The following NKAIN2 variants were observed in gnomAD, a reference collection of about 807,000 sequenced individuals.
NKAIN2 encodes the protein sodium/potassium transporting ATPase interacting 2.
Under a neutral mutation model 32.6 loss-of-function variants are expected in NKAIN2, and 14 were observed. The ratio of observed to expected loss-of-function variants is 0.43; its 90% CI spans 0.28 to 0.67. The LOEUF is 0.67. NKAIN2 is among the 30% of genes least tolerant of loss of function. The pLI is 0.17. For missense variants in NKAIN2, 198 were observed against 258.3 expected (o/e 0.77, Z 1.60); for synonymous variants, 80 against 87.2 (o/e 0.92, Z 0.46).
At chr6:124,442,018 C>G (rs1393450161) in intron 3 of NKAIN2, among the ~76,000 whole-genome samples, 1 of 151,996 alleles carries the variant, frequency 6.6e-6, no homozygotes, top group Admixed American at 6.6e-5. Flanking sequence ...AGTCTTCTGT[C>G]GTGTTGGCAG....
At chr6:124,447,688 A>G (rs754313511) in intron 3 of NKAIN2, among the ~76,000 whole-genome samples, 2 of 152,166 alleles carry the variant, frequency 1.3e-5, no homozygotes, top group Non-Finnish European at 2.9e-5. Flanking sequence ...GCATTCTGCT[A>G]TCCTGTAATC....
chr6:124,331,110 A>G (rs1166208116), intron 2 of NKAIN2, among the ~76,000 whole-genome samples: 1 of 152,082 alleles, frequency 6.6e-6, no homozygotes, highest in African/African-American at 2.4e-5. Flanking sequence ...GCTTCTTTCA[A>G]GTACATATTT....
intron 3 of NKAIN2, among the ~76,000 whole-genome samples, chr6:124,633,426 T>C (rs1783648945): frequency 6.6e-6 from 1 of 152,220 alleles, no homozygotes; most frequent in Admixed American, 6.5e-5. Flanking sequence ...AAAAGATTTA[T>C]AGAGATTTTA....
At chr6:124,784,853 C>T (rs1436536320) in intron 4 of NKAIN2, among the ~76,000 whole-genome samples, 1 of 152,052 alleles carries the variant, frequency 6.6e-6, no homozygotes, top group Non-Finnish European at 1.5e-5. Flanking sequence ...TTCCCTGTTT[C>T]TGCTTTCAAG....
chr6:123,812,526 C>T (rs1353521257), intron 1 of NKAIN2, among the ~76,000 whole-genome samples: 1 of 152,180 alleles, frequency 6.6e-6, no homozygotes, highest in African/African-American at 2.4e-5. Flanking sequence ...AACTGAAGCT[C>T]AGTCAAGTCC....
chr6:124,755,131 G>A (rs377028604), intron 4 of NKAIN2, among the ~76,000 whole-genome samples: 9 of 152,108 alleles, frequency 5.9e-5, no homozygotes, highest in Admixed American at 4.6e-4. Flanking sequence ...CCAACAGTGC[G>A]GCCTTCGGAC....
chr6:124,471,943 C>T (rs1217770015), intron 3 of NKAIN2, among the ~76,000 whole-genome samples: 1 of 151,906 alleles, frequency 6.6e-6, no homozygotes, highest in Non-Finnish European at 1.5e-5. Flanking sequence ...ATTCTTCTTC[C>T]TTCCTTGAAT....
chr6:124,411,927 C>T (rs1229786698), intron 3 of NKAIN2, among the ~76,000 whole-genome samples: 1 of 152,094 alleles, frequency 6.6e-6, no homozygotes, highest in Non-Finnish European at 1.5e-5. Flanking sequence ...TCATTTCATT[C>T]ATTTTGTCTT....
At chr6:124,194,555 T>A (rs1294567221) in intron 1 of NKAIN2, among the ~76,000 whole-genome samples, 1 of 152,162 alleles carries the variant, frequency 6.6e-6, no homozygotes, top group African/African-American at 2.4e-5. Flanking sequence ...TCTGTTTTTT[T>A]CTTCTCTTGC....
chr6:123,900,596 A>G (rs1352613785), intron 1 of NKAIN2, among the ~76,000 whole-genome samples: 2 of 109,036 alleles, frequency 1.8e-5, no homozygotes, highest in Non-Finnish European at 3.5e-5. Flanking sequence ...CATTAGTGGT[A>G]GAAGGGGATA....
At chr6:123,959,945 G>C (rs967300063) in intron 1 of NKAIN2, among the ~76,000 whole-genome samples, 13 of 151,140 alleles carry the variant, frequency 8.6e-5, no homozygotes, top group African/African-American at 2.7e-4. Context: ...GTGTGTGTGT[G>C]TGTGTGTGTG....
rs553808950 is a variant in NKAIN2, at chr6:124,349,632, A to G, written c.193-5635A>G. On this transcript the variant is annotated intron_variant, in intron 2 of 6. Coordinates refer to ENST00000368417, the MANE Select transcript of NKAIN2 (RefSeq NM_001040214.3). Reference sequence around the variant, plus strand: ...GTATTTAATAAAAGTGAACTCATTCATGACTCACCTCCTTTTCTAATTAAG... The same window carrying G: ...GTATTTAATAAAAGTGAACTCATTCGTGACTCACCTCCTTTTCTAATTAAG... 6.6e-5 allele frequency among the ~76,000 whole-genome samples: 10 copies of G among 152,306 alleles called. No homozygotes were observed. The South Asian group carries it at 1.2e-3, about 19-fold the overall frequency.
chr6:124,407,316 G>C (rs773293099), intron 3 of NKAIN2, among the ~76,000 whole-genome samples: 8 of 151,596 alleles, frequency 5.3e-5, no homozygotes, highest in Admixed American at 1.3e-4. Flanking sequence ...TTTAGCATTA[G>C]GTATATCTCC....
intron 3 of NKAIN2, among the ~76,000 whole-genome samples, chr6:124,550,283 G>T (rs936400624): frequency 1.3e-5 from 2 of 152,056 alleles, no homozygotes; most frequent in Non-Finnish European, 2.9e-5. Context: ...TCTTGCTCAG[G>T]TTGCTTTAAC....
chr6:124,565,664 C>T (rs765555410), intron 3 of NKAIN2, among the ~76,000 whole-genome samples: 2 of 152,086 alleles, frequency 1.3e-5, no homozygotes, highest in Non-Finnish European at 2.9e-5. Flanking sequence ...GCACTGACCC[C>T]GGATGATTTG....
intron 4 of NKAIN2, among the ~76,000 whole-genome samples, chr6:124,753,477 A>G (rs1274681400): frequency 6.6e-6 from 1 of 152,066 alleles, no homozygotes; most frequent in East Asian, 1.9e-4. Flanking sequence ...TTCTTTTTTC[A>G]TACTCATATT....
chr6:124,662,133 G>A (rs556645219), intron 4 of NKAIN2, among the ~76,000 whole-genome samples: 32 of 152,144 alleles, frequency 2.1e-4, no homozygotes, highest in Non-Finnish European at 4.6e-4. Flanking sequence ...AAAATTCAGG[G>A]TTCTTGAGCA....
At chr6:124,114,399 AG>A (rs1241474785) in intron 1 of NKAIN2, among the ~76,000 whole-genome samples, 5 of 152,108 alleles carry the variant, frequency 3.3e-5, no homozygotes, top group Non-Finnish European at 7.4e-5. Flanking sequence ...AGGTGGGGGC[AG>A]GAAAAGGAAT....
intron 3 of NKAIN2, among the ~76,000 whole-genome samples, chr6:124,597,781 G>A (rs1484905844): frequency 6.6e-6 from 1 of 152,112 alleles, no homozygotes; most frequent in Non-Finnish European, 1.5e-5. Context: ...GTTTCAGCTT[G>A]TAAAAACCAT....
Sources: allele counts gnomAD v4.1 joint callset (sites outside exome capture counted in the v4.1 genomes callset), GRCh38; gene constraint gnomAD v4.1.1; transcripts MANE v1.5; gene names NCBI Gene and HGNC (gene_info 2026-07-23, HGNC 2026-07-21).